MGAT5: variants seen among roughly 807,000 people sequenced by gnomAD.
MGAT5 encodes the protein alpha-1,6-mannosylglycoprotein 6-beta-N-acetylglucosaminyltransferase, also known as alpha-1,6-mannosylglycoprotein 6-beta-N-acetylglucosaminyltransferase A.
Under a neutral mutation model 94.3 loss-of-function variants are expected in MGAT5, and 30 were observed. That is an observed-to-expected ratio of 0.32 (90% CI 0.24 to 0.43). MGAT5 has a LOEUF of 0.43. Ranked by LOEUF, MGAT5 falls within the 20% of genes least tolerant of loss-of-function variation. The pLI is 1.00. For missense variants in MGAT5, 691 were observed against 905.5 expected (o/e 0.76, Z 3.04); for synonymous variants, 310 against 322.9 (o/e 0.96, Z 0.43).
chr2:134,275,772 A>G (rs1266984511), intron 2 of MGAT5, among the ~76,000 whole-genome samples: 3 of 151,476 alleles, frequency 2.0e-5, no homozygotes, highest in Admixed American at 6.6e-5. Flanking sequence ...TATTTTTTGT[A>G]GAGAATGGGG....
intron 1 of MGAT5, among the ~76,000 whole-genome samples, chr2:134,223,385 G>A (rs2105362492): frequency 6.6e-6 from 1 of 152,344 alleles, no homozygotes; most frequent in African/African-American, 2.4e-5. Context: ...CCAGTGGGAT[G>A]CCAAATGAGG....
At chr2:134,234,245 C>G (rs1298345414) in intron 1 of MGAT5, among the ~76,000 whole-genome samples, 1 of 152,194 alleles carries the variant, frequency 6.6e-6, no homozygotes, top group Admixed American at 6.5e-5. Context: ...CTTACAGGTT[C>G]TTCCAAGAGA....
At chr2:134,246,344 G>C (rs1251954700) in intron 1 of MGAT5, among the ~76,000 whole-genome samples, 1 of 152,172 alleles carries the variant, frequency 6.6e-6, no homozygotes, top group Non-Finnish European at 1.5e-5. Flanking sequence ...CACCTGCTGA[G>C]TGGGCTCTAT....
chr2:134,288,515 T>TAAAAA (rs879623551), intron 2 of MGAT5, among the ~76,000 whole-genome samples: 2 of 143,458 alleles, frequency 1.4e-5, no homozygotes, highest in Non-Finnish European at 3.1e-5. Context: ...TCTAGCTCTT[T>TAAAAA]AAAAAAAAAA....
intron 2 of MGAT5, among the ~76,000 whole-genome samples, chr2:134,301,927 G>A (rs752793965): frequency 6.6e-6 from 1 of 152,240 alleles, no homozygotes; most frequent in South Asian, 2.1e-4. Context: ...AGACCTGGGG[G>A]ATGCAAGTCT....
chr2:134,216,679 C>T (rs1680513529), intron 1 of MGAT5, among the ~76,000 whole-genome samples: 1 of 152,254 alleles, frequency 6.6e-6, no homozygotes, highest in Non-Finnish European at 1.5e-5. Flanking sequence ...TCACACCTGA[C>T]ATAGGAAGGT....
chr2:134,431,970 G>GA (rs1684906137), intron 14 of MGAT5, among the ~76,000 whole-genome samples: 1 of 152,200 alleles, frequency 6.6e-6, no homozygotes, highest in African/African-American at 2.4e-5. Context: ...TTACTGTACT[G>GA]AAAATGTTGA....
At chr2:134,250,478 G>T (rs1682529026), upstream of MGAT5, among the ~76,000 whole-genome samples, 1 of 152,174 alleles carries the variant, frequency 6.6e-6, no homozygotes, top group African/African-American at 2.4e-5. Context: ...TTGTCATTTT[G>T]TGGCACCAAG....
chr2:134,332,921 AAAGTC>A (rs1310312760), intron 4 of MGAT5, among the ~76,000 whole-genome samples: 2 of 152,176 alleles, frequency 1.3e-5, no homozygotes, highest in African/African-American at 4.8e-5. Flanking sequence ...CAATCATTAA[AAAGTC>A]AGGAAACAAC....
At chr2:134,174,481 G>A (rs911451099) in intron 1 of MGAT5, among the ~76,000 whole-genome samples, 4 of 152,254 alleles carry the variant, frequency 2.6e-5, no homozygotes, top group Admixed American at 6.5e-5. Flanking sequence ...AGCTGAATGA[G>A]TATAAAGCAG....
intron 11 of MGAT5, among the ~76,000 whole-genome samples, chr2:134,411,979 G>A (rs1052202559): frequency 1.3e-5 from 2 of 152,182 alleles, no homozygotes; most frequent in African/African-American, 2.4e-5. Flanking sequence ...CCCAGACCTG[G>A]ACCCTGCCCA....
At position 134,120,240 on chromosome 2, in the gene MGAT5, G is replaced by T. The variant is rs531515506; in HGVS notation, c.-194G>T. On this transcript the variant is annotated 5_prime_UTR_variant, in exon 1 of 17. Transcript: ENST00000409645. ...CGCGACCTCGCGCCTCGGGCCGCGT[G>T]GGCACGGCGGCCGGCGGGTGCTCCC... The T allele has an allele frequency of 7.9e-4, 296 of 374,396 alleles. 2 individuals are homozygous for T. Among genetic ancestry groups the T allele is most frequent in the African/African-American group, 5.3e-3 (253 of 47,540 alleles). The allele number at this position is 374,396 out of a possible 1,614,324, so 23.2% of individuals were successfully genotyped here.
intron 1 of MGAT5, among the ~76,000 whole-genome samples, chr2:134,257,323 C>T (rs1306587135): frequency 6.6e-6 from 1 of 152,110 alleles, no homozygotes; most frequent in Non-Finnish European, 1.5e-5. Flanking sequence ...ACACCCACCT[C>T]CTGGGTTCAA....
At chr2:134,364,270 C>A (rs929717540) in intron 10 of MGAT5, among the ~76,000 whole-genome samples, 1 of 152,172 alleles carries the variant, frequency 6.6e-6, no homozygotes, top group African/African-American at 2.4e-5. Context: ...GAGGCTGAGG[C>A]GGGTGGATCA....
chr2:134,250,164 G>C (rs1341101482), upstream of MGAT5, among the ~76,000 whole-genome samples: 1 of 152,168 alleles, frequency 6.6e-6, no homozygotes, highest in Non-Finnish European at 1.5e-5. Flanking sequence ...TACTCTTTTA[G>C]AAAGTAGGAG....
rs1055536666 is a variant in MGAT5 at position 134,293,223 on chromosome 2, A to G, written c.406+22673A>G. Among the ~76,000 whole-genome samples the G allele has an allele frequency of 2.6e-5, 4 of 152,234 alleles. No individual in the cohort carries two copies. The South Asian group carries it at 8.3e-4, about 31-fold the overall frequency. The stretch of plus-strand genomic sequence containing the variant: ...CAGTGAATAGAAAATACGAAAATTG[A>G]AAATGGATGGTAGATTCATTAAATT... On this transcript the variant is annotated intron_variant, in intron 2 of 15. Transcript: ENST00000281923.
At chr2:134,247,340 T>G (rs1373305011) in intron 1 of MGAT5, among the ~76,000 whole-genome samples, 2 of 116,856 alleles carry the variant, frequency 1.7e-5, no homozygotes, top group Non-Finnish European at 3.4e-5. Flanking sequence ...TTCATGTGAA[T>G]AGATACCTGG....
Position 134,145,214 on chromosome 2 carries a change from C to CTCTGTGTGTGTGTGTGTGTG in MGAT5, c.-143+24924_-143+24925insCTGTGTGTGTGTGTGTGTGT, listed in dbSNP as rs373377770. Among the ~76,000 whole-genome samples, 325 of 143,850 alleles carry CTCTGTGTGTGTGTGTGTGTG rather than the reference C, an allele frequency of 2.3e-3. 2 individuals are homozygous for CTCTGTGTGTGTGTGTGTGTG. The highest frequency in any genetic ancestry group is 8.0e-3 in the African/African-American group (307 of 38,562). 94.4% of individuals were successfully genotyped at this position (143,850 alleles called of 152,430 possible). On this transcript the variant is annotated intron_variant, in intron 1 of 16. Coordinates refer to the MGAT5 transcript ENST00000409645. ...GTAAGGTGTGTGTGTGTCTCTCTCT[C>CTCTGTGTGTGTGTGTGTGTG]TGTGTGTGTGTGTGTGTGTGTGTGT...
At chr2:134,239,980 A>G (rs1017064316) in intron 1 of MGAT5, among the ~76,000 whole-genome samples, 20 of 152,068 alleles carry the variant, frequency 1.3e-4, no homozygotes, top group African/African-American at 4.6e-4. Context: ...ACTGTCAGTT[A>G]TGTTGTAGTG....
Sources: gnomAD v4.1 joint callset for allele counts (sites outside exome capture counted in the v4.1 genomes callset) on GRCh38, gnomAD v4.1.1 for gene constraint, MANE v1.5 for transcripts, NCBI Gene and HGNC (gene_info 2026-07-23, HGNC 2026-07-21) for gene names.